The following NDFIP1 variants were observed in gnomAD, a reference collection of about 807,000 sequenced individuals.
NDFIP1 encodes NEDD4 family-interacting protein 1.
Under a neutral mutation model 28.8 loss-of-function variants are expected in NDFIP1, and 7 were observed. That is an observed-to-expected ratio of 0.24 (90% CI 0.14 to 0.46). NDFIP1 has a LOEUF of 0.46. NDFIP1 is among the 20% of genes least tolerant of loss of function. NDFIP1 has a pLI of 0.99. For missense variants in NDFIP1, 194 were observed against 269.1 expected (o/e 0.72, Z 1.95); for synonymous variants, 92 against 101.0 (o/e 0.91, Z 0.53).
At chr5:142,115,634 T>C in intron 1 of NDFIP1, among the ~76,000 whole-genome samples, 1 of 152,216 alleles carries the variant, frequency 6.6e-6, no homozygotes, top group South Asian at 2.1e-4. Flanking sequence ...TTAATACTTC[T>C]GTTCCATTCA....
At position 142,153,126 on chromosome 5, in the gene NDFIP1, T is replaced by G. The variant is rs1422767383; in HGVS notation, c.*1398T>G. 8.3e-6 allele frequency: 3 copies of G among 359,746 alleles called. No individual in the cohort carries two copies. Among genetic ancestry groups the G allele is most frequent in the Admixed American group, 7.3e-5 (2 of 27,374 alleles). The allele number at this position is 359,746 out of a possible 1,614,324, so 22.3% of individuals were successfully genotyped here. ...TGTTCTCATTTGTTCTTTTTCTCAG[T>G]TGAATGCACCAACTGGTTTGAGTCC... is the stretch of plus-strand genomic sequence containing the variant. On this transcript the variant is annotated 3_prime_UTR_variant, in exon 8 of 8. Coordinates refer to ENST00000253814, the MANE Select transcript of NDFIP1 (RefSeq NM_030571.4).
At chr5:142,129,567 G>A (rs1287382080) in intron 1 of NDFIP1, among the ~76,000 whole-genome samples, 1 of 152,180 alleles carries the variant, frequency 6.6e-6, no homozygotes, top group Non-Finnish European at 1.5e-5. Flanking sequence ...GTATTAGTCA[G>A]AAAAATTTAT....
chr5:142,132,197 G>C lies in NDFIP1; in HGVS notation c.152-15G>C. On this transcript the variant is annotated splice_polypyrimidine_tract_variant and intron_variant, in intron 2 of 7. Transcript: ENST00000253814. Reference sequence around the variant, plus strand: ...AGCTAATCATCAAAAAATTGTGACTGTTAAAATTCTGCAGCATATTTTGAC... The same window carrying C: ...AGCTAATCATCAAAAAATTGTGACTCTTAAAATTCTGCAGCATATTTTGAC... 1 of 1,605,034 alleles carries C rather than the reference G, an allele frequency of 6.2e-7. No individual in the cohort carries two copies. Among genetic ancestry groups the C allele is most frequent in the Non-Finnish European group, 8.5e-7 (1 of 1,177,752 alleles).
rs1561597799 is a variant in NDFIP1 at position 142,116,349 on chromosome 5, TCTTTCTC to T, written c.63+7313_63+7319del. Among the ~76,000 whole-genome samples the T allele has an allele frequency of 2.1e-4, 25 of 119,006 alleles. No homozygotes were observed. In the South Asian group the frequency reaches 3.9e-3, roughly 18 times the overall value. 78.1% of individuals were successfully genotyped at this position (119,006 alleles called of 152,430 possible). A position where few individuals can be genotyped will look rare whatever the true frequency, so the allele number is the denominator to read the frequency against. On this transcript the variant is annotated intron_variant, in intron 1 of 7. Transcript: ENST00000253814. ...TTCCTTCCTTCCTTCCTTCCTTCCT[TCTTTCTC>T]TCTCTCTCTCTCTCTCTTTCTTTCT...
intron 7 of NDFIP1, among the ~76,000 whole-genome samples, chr5:142,150,768 T>C (rs1011343512): frequency 2.6e-5 from 4 of 151,868 alleles, no homozygotes; most frequent in African/African-American, 4.8e-5. Flanking sequence ...ATAGAAGAGT[T>C]TCTTGTGGCT....
chr5:142,134,894 T>C (rs1347748361), intron 3 of NDFIP1, among the ~76,000 whole-genome samples: 3 of 152,194 alleles, frequency 2.0e-5, no homozygotes, highest in Non-Finnish European at 4.4e-5. Flanking sequence ...AGTTGAGCAG[T>C]GGGCAGTTCT....
intron 7 of NDFIP1, among the ~76,000 whole-genome samples, chr5:142,148,304 A>G (rs1757411650): frequency 6.6e-6 from 1 of 152,204 alleles, no homozygotes; most frequent in South Asian, 2.1e-4. Flanking sequence ...AAGCTCATGT[A>G]CTACTATCAT....
chr5:142,122,583 AG>A lies in NDFIP1; in HGVS notation c.64-9224del, dbSNP rs374893701. ...ATATTAGCAAACAGTTTTCTAAAGT[AG>A]TTGTACAGGTTTATACTCCCATCAG... On this transcript the variant is annotated intron_variant, in intron 1 of 7. Transcript: ENST00000253814. Among the ~76,000 whole-genome samples the A allele has an allele frequency of 5.8e-3, 885 of 152,342 alleles. 6 individuals are homozygous for A. The highest frequency in any genetic ancestry group is 0.017 in the Middle Eastern group (5 of 294).
chr5:142,134,406 T>A (rs1223656086), intron 3 of NDFIP1, among the ~76,000 whole-genome samples: 1 of 152,216 alleles, frequency 6.6e-6, no homozygotes, highest in Admixed American at 6.5e-5. Flanking sequence ...TGATACGAAG[T>A]AAGAATACTA....
intron 5 of NDFIP1, among the ~76,000 whole-genome samples, chr5:142,138,882 C>CTT (rs11384112): frequency 0.011 from 1,656 of 147,114 alleles, 27 homozygotes; most frequent in African/African-American, 0.035. Context: ...TAATTCCAGT[C>CTT]TTTTTTTTTT....
chr5:142,124,335 T>G (rs1351232750), intron 1 of NDFIP1, among the ~76,000 whole-genome samples: 1 of 152,166 alleles, frequency 6.6e-6, no homozygotes, highest in Non-Finnish European at 1.5e-5. Flanking sequence ...TTCCTTGCCT[T>G]TCTCTTTGGA....
intron 5 of NDFIP1, among the ~76,000 whole-genome samples, chr5:142,139,338 G>A (rs756796367): frequency 3.3e-5 from 5 of 151,010 alleles, no homozygotes; most frequent in East Asian, 1.9e-4. Flanking sequence ...TTTTTTAAAC[G>A]GGGAAATTTT....
chr5:142,145,144 G>A (rs1757374321), intron 7 of NDFIP1, among the ~76,000 whole-genome samples: 2 of 152,208 alleles, frequency 1.3e-5, no homozygotes, highest in Non-Finnish European at 2.9e-5. Flanking sequence ...AGCCCACCAA[G>A]TCTTCCATCT....
chr5:142,113,416 A>G (rs1162975075), intron 1 of NDFIP1, among the ~76,000 whole-genome samples: 4 of 152,240 alleles, frequency 2.6e-5, no homozygotes, highest in Admixed American at 2.6e-4. Context: ...AAAAGAAGTT[A>G]TATCACAGAA....
At position 142,129,985 on chromosome 5, in the gene NDFIP1, G is replaced by A. The variant is rs1596788262; in HGVS notation, c.64-1823G>A. Among the ~76,000 whole-genome samples, 5 of 151,502 alleles carry A rather than the reference G, an allele frequency of 3.3e-5. 1 individual carries two copies. The highest frequency in any genetic ancestry group is 3.3e-4 in the Admixed American group (5 of 15,218). ...GCTCTACTTCACATTAGTACACCTC[G>A]GTCTCTCTGTTTTTCTGTCTCAATT... On this transcript the variant is annotated intron_variant, in intron 1 of 7. Coordinates refer to ENST00000253814, the MANE Select transcript of NDFIP1 (RefSeq NM_030571.4).
At chr5:142,110,855 A>AT (rs763587843) in intron 1 of NDFIP1, among the ~76,000 whole-genome samples, 6 of 17,614 alleles carry the variant, frequency 3.4e-4, no homozygotes, top group East Asian at 1.6e-3. Context: ...ATTTACATCC[A>AT]TTTTTTTTTT....
intron 1 of NDFIP1, among the ~76,000 whole-genome samples, chr5:142,121,917 C>T (rs1389837018): frequency 6.6e-6 from 1 of 152,212 alleles, no homozygotes; most frequent in African/African-American, 2.4e-5. Flanking sequence ...CATGCTGTGC[C>T]ACTCACTGGT....
At chr5:142,109,248 G>A (rs1596778430) in intron 1 of NDFIP1, among the ~76,000 whole-genome samples, 1 of 152,294 alleles carries the variant, frequency 6.6e-6, no homozygotes, top group East Asian at 1.9e-4. Context: ...GTGGGACTCC[G>A]GCGGTGGAAA....
rs562587335 is a variant in NDFIP1, at chr5:142,149,905, G to A, written c.*3-1826G>A. 9.9e-5 allele frequency among the ~76,000 whole-genome samples: 15 copies of A among 152,268 alleles called. 1 individual carries two copies. The South Asian group carries it at 2.7e-3, about 27-fold the overall frequency. ...TCATCTATTAAAAGAAACTGGGCCA[G>A]GCATGGTGGCTCACGCCTGTAATCC... On this transcript the variant is annotated intron_variant, in intron 7 of 7. Transcript: ENST00000253814.
Sources: gnomAD v4.1 joint callset for allele counts (sites outside exome capture counted in the v4.1 genomes callset) on GRCh38, gnomAD v4.1.1 for gene constraint, MANE v1.5 for transcripts, NCBI Gene and HGNC (gene_info 2026-07-23, HGNC 2026-07-21) for gene names.